The following MKLN1 variants were observed in gnomAD, a reference collection of about 807,000 sequenced individuals.
MKLN1 encodes muskelin 1, also known as muskelin.
In MKLN1, 18 loss-of-function variants were observed where a neutral mutation model predicts 99.0. The observed-to-expected ratio is 0.18, with a 90% CI of 0.13 to 0.27. The LOEUF (loss-of-function observed/expected upper bound fraction) is 0.27. Ranked by LOEUF, MKLN1 falls within the 10% of genes least tolerant of loss-of-function variation. The pLI, the probability that MKLN1 is intolerant of heterozygous loss-of-function variation, is 1.00. For synonymous variants in MKLN1, 288 were observed against 293.2 expected (o/e 0.98, Z 0.18); for missense variants, 621 against 875.9 (o/e 0.71, Z 3.67).
At chr7:131,349,917 T>C (rs1374427757) in intron 1 of MKLN1, among the ~76,000 whole-genome samples, 2 of 152,208 alleles carry the variant, frequency 1.3e-5, no homozygotes, top group Non-Finnish European at 2.9e-5. Context: ...GAGTATGTTG[T>C]AGGTATGTGT....
chr7:131,181,602 G>A (rs1796377482), intron 2 of MKLN1, among the ~76,000 whole-genome samples: 4 of 150,808 alleles, frequency 2.7e-5, no homozygotes, highest in Admixed American at 2.6e-4. Context: ...CCAATAACTC[G>A]AGAGGCTGAG....
chr7:131,390,901 A>G (rs1008869524), intron 4 of MKLN1, among the ~76,000 whole-genome samples: 1 of 152,072 alleles, frequency 6.6e-6, no homozygotes, highest in Non-Finnish European at 1.5e-5. Context: ...TTTAGGCAAA[A>G]TGTTAATTGG....
chr7:131,120,466 G>A (rs6960621), intron 1 of MKLN1, among the ~76,000 whole-genome samples: 63,096 of 143,596 alleles, frequency 0.44, 15,244 homozygotes, highest in Non-Finnish European at 0.56. Context: ...AGAGAATGGC[G>A]TGAACCCAGG....
intron 1 of MKLN1, among the ~76,000 whole-genome samples, chr7:131,329,961 C>T (rs1434076806): frequency 6.6e-6 from 1 of 152,120 alleles, no homozygotes; most frequent in East Asian, 1.9e-4. Flanking sequence ...TTGACAAATG[C>T]AGTATAATTT....
At chr7:131,266,539 A>C (rs1041652526) in intron 3 of MKLN1, among the ~76,000 whole-genome samples, 12 of 152,230 alleles carry the variant, frequency 7.9e-5, no homozygotes, top group Non-Finnish European at 1.6e-4. Context: ...GAATCTGATC[A>C]CTGAGAGAAG....
intron 4 of MKLN1, among the ~76,000 whole-genome samples, chr7:131,396,699 T>C (rs979403759): frequency 6.6e-6 from 1 of 152,218 alleles, no homozygotes; most frequent in Non-Finnish European, 1.5e-5. Flanking sequence ...ACGTGGTAGA[T>C]TATATTAATA....
intron 2 of MKLN1, among the ~76,000 whole-genome samples, chr7:131,193,616 C>T (rs917848165): frequency 2.0e-5 from 3 of 152,062 alleles, no homozygotes; most frequent in Middle Eastern, 6.8e-3. Context: ...CCTCGTGATC[C>T]GCCCGCCTCG....
intron 12 of MKLN1, among the ~76,000 whole-genome samples, chr7:131,454,224 G>A (rs915526045): frequency 9.9e-5 from 15 of 152,136 alleles, no homozygotes; most frequent in African/African-American, 3.4e-4. Context: ...TTGTATGCAA[G>A]GAGAAAAAAT....
chr7:131,246,870 G>C (rs1275342999), intron 3 of MKLN1, among the ~76,000 whole-genome samples: 1 of 152,130 alleles, frequency 6.6e-6, no homozygotes, highest in Non-Finnish European at 1.5e-5. Context: ...AAGCTGCTTT[G>C]CTTCTTGTGA....
chr7:131,489,398 T>TA lies in MKLN1; in HGVS notation c.*1670_*1671insA, dbSNP rs760403487. 6 of 152,146 alleles carry TA rather than the reference T, an allele frequency of 3.9e-5. No individual in the cohort carries two copies. Among genetic ancestry groups the TA allele is most frequent in the Non-Finnish European group, 8.8e-5 (6 of 68,026 alleles). 9.4% of individuals were successfully genotyped at this position (152,146 alleles called of 1,614,324 possible). ...ATATAATTCAGCAAGTACCAACTTG[T>TA]GTAGCTGCAGAATAACCAAGTGGCT... On this transcript the variant is annotated 3_prime_UTR_variant, in exon 18 of 18. Transcript: ENST00000352689.
At chr7:131,177,693 G>C (rs1003355560) in intron 2 of MKLN1, among the ~76,000 whole-genome samples, 5 of 152,068 alleles carry the variant, frequency 3.3e-5, no homozygotes. Context: ...TTCATCAAAT[G>C]CTCCTTGTCT....
chr7:131,207,395 G>A (rs150245899), intron 3 of MKLN1, among the ~76,000 whole-genome samples: 3,525 of 151,974 alleles, frequency 0.023, 140 homozygotes, highest in African/African-American at 0.081. Context: ...ACAGGGTTTC[G>A]TCATGTTGGC....
intron 1 of MKLN1, among the ~76,000 whole-genome samples, chr7:131,352,715 A>G (rs1345398852): frequency 1.3e-5 from 2 of 152,186 alleles, no homozygotes; most frequent in African/African-American, 4.8e-5. Context: ...GAAGATAGTA[A>G]AAATGCTGTG....
intron 3 of MKLN1, chr7:131,242,666 C>G: frequency 1.7e-6 from 1 of 596,890 alleles, no homozygotes; most frequent in South Asian, 1.7e-5. Flanking sequence ...AAGCCATCAT[C>G]GTGAAGAACA....
intron 5 of MKLN1, among the ~76,000 whole-genome samples, chr7:131,399,011 T>C (rs1049200553): frequency 1.3e-5 from 2 of 152,236 alleles, no homozygotes; most frequent in African/African-American, 4.8e-5. Context: ...TTAATAACTT[T>C]TGGCTACATA....
intron 1 of MKLN1, among the ~76,000 whole-genome samples, chr7:131,119,217 T>C (rs1451916051): frequency 6.6e-6 from 1 of 152,234 alleles, no homozygotes; most frequent in Admixed American, 6.5e-5. Context: ...ATAGGCCCCA[T>C]GCAAGTCCAG....
At chr7:131,188,010 T>C (rs911655451) in intron 2 of MKLN1, among the ~76,000 whole-genome samples, 2 of 151,688 alleles carry the variant, frequency 1.3e-5, no homozygotes, top group Non-Finnish European at 3.0e-5. Flanking sequence ...GATTCTTCTC[T>C]TCTAATCTGA....
intron 2 of MKLN1, among the ~76,000 whole-genome samples, chr7:131,151,247 A>G (rs1795884827): frequency 6.6e-6 from 1 of 152,216 alleles, no homozygotes; most frequent in Non-Finnish European, 1.5e-5. Context: ...GACTCTGCCA[A>G]ATTACTGGGA....
intron 1 of MKLN1, among the ~76,000 whole-genome samples, chr7:131,139,592 C>G (rs2116253709): frequency 6.6e-6 from 1 of 152,312 alleles, no homozygotes; most frequent in Non-Finnish European, 1.5e-5. Context: ...CTCCCTCTGA[C>G]TGGTCCTGAT....
Sources: gnomAD v4.1 joint callset for allele counts (sites outside exome capture counted in the v4.1 genomes callset) on GRCh38, gnomAD v4.1.1 for gene constraint, MANE v1.5 for transcripts, NCBI Gene and HGNC (gene_info 2026-07-23, HGNC 2026-07-21) for gene names.